ZNF536: variants seen among roughly 807,000 people sequenced by gnomAD.
ZNF536 encodes zinc finger protein 536.
Under a neutral mutation model 84.5 loss-of-function variants are expected in ZNF536, and 13 were observed. The observed-to-expected ratio is 0.15, with a 90% CI of 0.10 to 0.24. The LOEUF (loss-of-function observed/expected upper bound fraction) is 0.24, where lower values mean the gene tolerates loss of function less well. ZNF536 is among the 10% of genes least tolerant of loss of function. The probability of loss-of-function intolerance (pLI) is 1.00; values close to 1 mark genes in which losing one functional copy is unlikely to be tolerated. For synonymous variants in ZNF536, 811 were observed against 742.5 expected (o/e 1.09, Z -1.50); for missense variants, 1,536 against 1,747.5 (o/e 0.88, Z 2.16).
intron 2 of ZNF536, among the ~76,000 whole-genome samples, chr19:30,308,213 T>C (rs942732241): frequency 4.6e-5 from 7 of 152,136 alleles, no homozygotes; most frequent in Non-Finnish European, 8.8e-5. Context: ...GACAGAAGTG[T>C]ATGGTTTGTC....
At chr19:30,384,805 T>C (rs1653784285) in intron 1 of ZNF536, among the ~76,000 whole-genome samples, 1 of 152,052 alleles carries the variant, frequency 6.6e-6, no homozygotes, top group Non-Finnish European at 1.5e-5. Flanking sequence ...GGTGGGAGGA[T>C]TGCTTAAGGC....
chr19:30,577,085 A>C (rs2046764658), intron 1 of ZNF536, among the ~76,000 whole-genome samples: 2 of 152,208 alleles, frequency 1.3e-5, no homozygotes, highest in Non-Finnish European at 2.9e-5. Context: ...TAAGAAATGA[A>C]AGCAAAAGCC....
intron 1 of ZNF536, among the ~76,000 whole-genome samples, chr19:30,263,719 C>CGT (rs2025346138): frequency 6.6e-6 from 1 of 152,110 alleles, no homozygotes; most frequent in Non-Finnish European, 1.5e-5. Flanking sequence ...TGTGTGCACG[C>CGT]GTGTGTGTAT....
chr19:30,538,264 G>A (rs1384362821), intron 3 of ZNF536, among the ~76,000 whole-genome samples: 3 of 152,048 alleles, frequency 2.0e-5, no homozygotes, highest in African/African-American at 4.8e-5. Flanking sequence ...ACTCCAAAAT[G>A]CCATCTTTTT....
At chr19:30,495,140 A>G (rs892991818) in intron 2 of ZNF536, among the ~76,000 whole-genome samples, 2 of 152,126 alleles carry the variant, frequency 1.3e-5, no homozygotes, top group Non-Finnish European at 2.9e-5. Context: ...CCTTGTAAAC[A>G]CTACCTTTCA....
intron 1 of ZNF536, among the ~76,000 whole-genome samples, chr19:30,374,496 AGT>A (rs540167722): frequency 7.6e-6 from 1 of 130,744 alleles, no homozygotes; most frequent in African/African-American, 2.7e-5. Context: ...AATTAAATAT[AGT>A]GTTTTTTTTT....
intron 2 of ZNF536, among the ~76,000 whole-genome samples, chr19:30,323,855 G>T (rs1349850936): frequency 6.6e-6 from 1 of 152,034 alleles, no homozygotes; most frequent in Non-Finnish European, 1.5e-5. Context: ...TATTTGTCCT[G>T]CTCCTCTGCT....
At chr19:30,497,110 G>A (rs2145221387) in intron 2 of ZNF536, among the ~76,000 whole-genome samples, 1 of 152,342 alleles carries the variant, frequency 6.6e-6, no homozygotes, top group Non-Finnish European at 1.5e-5. Context: ...TGCAGGTGCT[G>A]ACACACATAC....
downstream of ZNF536, among the ~76,000 whole-genome samples, chr19:30,558,212 A>T (rs1002662425): frequency 2.6e-5 from 4 of 152,122 alleles, no homozygotes; most frequent in East Asian, 7.7e-4. Context: ...GCATTTTTCT[A>T]TCCACTCTTA....
At chr19:30,643,786 T>C (rs1417463454) in intron 1 of ZNF536, among the ~76,000 whole-genome samples, 2 of 152,106 alleles carry the variant, frequency 1.3e-5, no homozygotes, top group Non-Finnish European at 2.9e-5. Flanking sequence ...GGGTGGTGCT[T>C]ACATCTCCCC....
intron 4 of ZNF536, 160 bp from the exon 5 acceptor site, chr19:30,556,997 C>A: frequency 1.4e-6 from 1 of 727,598 alleles, no homozygotes; most frequent in Non-Finnish European, 2.3e-6. Context: ...GTTGACTATT[C>A]TTGCTTTAGC....
intron 2 of ZNF536, among the ~76,000 whole-genome samples, chr19:30,529,035 G>A (rs1429778907): frequency 6.6e-6 from 1 of 152,016 alleles, no homozygotes; most frequent in Non-Finnish European, 1.5e-5. Flanking sequence ...AACCAAGGGC[G>A]AGGGGAGGGG....
intron 2 of ZNF536, among the ~76,000 whole-genome samples, chr19:30,326,114 G>C (rs1313679995): frequency 6.6e-6 from 1 of 152,248 alleles, no homozygotes; most frequent in Admixed American, 6.5e-5. Context: ...AGATTTAATA[G>C]TGCTGGGGTC....
intron 1 of ZNF536, among the ~76,000 whole-genome samples, chr19:30,603,729 TA>T (rs1015289476): frequency 2.6e-5 from 4 of 152,096 alleles, no homozygotes; most frequent in Non-Finnish European, 5.9e-5. Context: ...AAAGTCTCTT[TA>T]AAAAAAGCAC....
intron 3 of ZNF536, among the ~76,000 whole-genome samples, chr19:30,545,007 C>T (rs1039410306): frequency 1.3e-5 from 2 of 152,182 alleles, no homozygotes; most frequent in Non-Finnish European, 2.9e-5. Context: ...TCATGGTTCC[C>T]ACTTCAAAGG....
chr19:30,673,266 G>A lies in ZNF536; in HGVS notation c.170-37491G>A, dbSNP rs558613021. 6.6e-5 allele frequency among the ~76,000 whole-genome samples: 10 copies of A among 152,214 alleles called. No individual in the cohort carries two copies. In the South Asian group the frequency reaches 1.7e-3, roughly 25 times the overall value. Reference sequence around the variant, plus strand: ...GATCTGAGCAGAAGCCAAGCACAGCGCCTGGCCCTTCAGGGGCACACATGA... The same window carrying A: ...GATCTGAGCAGAAGCCAAGCACAGCACCTGGCCCTTCAGGGGCACACATGA... On this transcript the variant is annotated intron_variant, in intron 1 of 1. Coordinates refer to the ZNF536 transcript ENST00000592773.
chr19:30,331,452 TGAG>T (rs2047209819), intron 2 of ZNF536, among the ~76,000 whole-genome samples: 1 of 152,078 alleles, frequency 6.6e-6, no homozygotes, highest in Non-Finnish European at 1.5e-5. Flanking sequence ...CCAAGTGACT[TGAG>T]GAGATCTCTT....
chr19:30,343,287 T>G lies in ZNF536; in HGVS notation c.-119-9081T>G, dbSNP rs141848985. Among the ~76,000 whole-genome samples, 23 of 152,340 alleles carry G rather than the reference T, an allele frequency of 1.5e-4. No individual in the cohort carries two copies. In the East Asian group the frequency reaches 3.1e-3, roughly 20 times the overall value. ...TCATTTTGTGCCAGAGACTCAACAT[T>G]GCCTATTTTAGAGACTGTGTGTTTA... On this transcript the variant is annotated intron_variant, in intron 2 of 5. Transcript: ENST00000585628.
At chr19:30,345,477 A>G (rs1160491212) in intron 2 of ZNF536, among the ~76,000 whole-genome samples, 1 of 152,264 alleles carries the variant, frequency 6.6e-6, no homozygotes, top group African/African-American at 2.4e-5. Context: ...AAGTGTCTTC[A>G]CCAGTTTATG....
Sources: gnomAD v4.1 joint callset for allele counts (sites outside exome capture counted in the v4.1 genomes callset) on GRCh38, gnomAD v4.1.1 for gene constraint, MANE v1.5 for transcripts, NCBI Gene and HGNC (gene_info 2026-07-23, HGNC 2026-07-21) for gene names.